The following NRXN3 variants were observed in gnomAD, a reference collection of about 807,000 sequenced individuals.
The protein encoded by NRXN3 is neurexin III.
Under a neutral mutation model 137.6 loss-of-function variants are expected in NRXN3, and 32 were observed. That is an observed-to-expected ratio of 0.23 (90% CI 0.18 to 0.31). The LOEUF is 0.31. NRXN3 is among the 10% of genes least tolerant of loss of function. The pLI is 1.00. For missense variants in NRXN3, 1,574 were observed against 2,062.5 expected (o/e 0.76, Z 4.59); for synonymous variants, 798 against 784.5 (o/e 1.02, Z -0.29).
intron 11 of NRXN3, among the ~76,000 whole-genome samples, chr14:78,964,620 CAA>C (rs1491053778): frequency 1.3e-5 from 2 of 152,042 alleles, no homozygotes; most frequent in Non-Finnish European, 2.9e-5. Flanking sequence ...TAGAAGGTAA[CAA>C]GAGAGGACAG....
rs919373723 is a variant in NRXN3, at chr14:78,882,779, C to T, written c.2275+72435C>T. Among the ~76,000 whole-genome samples, 30 of 151,596 alleles carry T rather than the reference C, an allele frequency of 2.0e-4. 1 individual carries two copies. The East Asian group carries it at 2.3e-3, about 12-fold the overall frequency. ...AGAATTTGGGGGACTGTTGAAAGGG[C>T]GTGATCATGTTTTGAATTGTGAGGG... On this transcript the variant is annotated intron_variant, in intron 10 of 20. Transcript: ENST00000335750.
intron 8 of NRXN3, among the ~76,000 whole-genome samples, chr14:78,746,812 C>A (rs368370498): frequency 6.6e-6 from 1 of 152,212 alleles, no homozygotes. Flanking sequence ...TGGAAGAACA[C>A]ATTCTCCAAG....
intron 15 of NRXN3, among the ~76,000 whole-genome samples, chr14:79,377,392 G>A (rs150224849): frequency 2.8e-4 from 42 of 152,168 alleles, no homozygotes; most frequent in African/African-American, 8.9e-4. Flanking sequence ...TTTTATTTCC[G>A]GTACTGATGT....
intron 15 of NRXN3, among the ~76,000 whole-genome samples, chr14:79,273,829 G>A (rs891869282): frequency 8.6e-5 from 13 of 151,766 alleles, no homozygotes; most frequent in Admixed American, 6.6e-4. Context: ...GGGCATGATG[G>A]CTCACACCTG....
chr14:79,207,767 C>G (rs2067004421), intron 15 of NRXN3, among the ~76,000 whole-genome samples: 1 of 152,072 alleles, frequency 6.6e-6, no homozygotes, highest in African/African-American at 2.4e-5. Flanking sequence ...TTGGAAGCCT[C>G]TGGGTTTGTT....
chr14:79,112,240 C>T (rs571237882), intron 15 of NRXN3, among the ~76,000 whole-genome samples: 1 of 152,322 alleles, frequency 6.6e-6, no homozygotes, highest in Admixed American at 6.5e-5. Flanking sequence ...CTCTCTGGAG[C>T]TGTAGGCCTC....
chr14:79,012,952 C>G (rs1434297871), intron 15 of NRXN3, among the ~76,000 whole-genome samples: 1 of 152,112 alleles, frequency 6.6e-6, no homozygotes, highest in Non-Finnish European at 1.5e-5. Flanking sequence ...ATTTTGCAAG[C>G]AGAAATTTAT....
In NRXN3 at chr14:79,436,068, T is replaced by C. The variant is rs140687419; in HGVS notation, c.3263-31153T>C. Among the ~76,000 whole-genome samples, 17 of 152,288 alleles carry C rather than the reference T, an allele frequency of 1.1e-4. No homozygotes were observed. The East Asian group carries it at 3.3e-3, about 29-fold the overall frequency. On this transcript the variant is annotated intron_variant, in intron 15 of 20. Coordinates refer to ENST00000335750, the MANE Select transcript of NRXN3 (RefSeq NM_001330195.2). ...CCTCTGACCACTGCCTCCATGTGTC[T>C]AATATAACCTATGACATTACCCATA...
chr14:79,284,959 T>G (rs1022330336), intron 15 of NRXN3, among the ~76,000 whole-genome samples: 2 of 152,180 alleles, frequency 1.3e-5, no homozygotes, highest in Non-Finnish European at 2.9e-5. Flanking sequence ...ATTAGATTGG[T>G]TTCTCCATCT....
In NRXN3 at chr14:79,155,111, C is replaced by T. The variant is rs113223203; in HGVS notation, c.3262+166970C>T. Among the ~76,000 whole-genome samples the T allele has an allele frequency of 5.9e-3, 901 of 151,976 alleles. 6 individuals carry two copies. Among genetic ancestry groups the T allele is most frequent in the African/African-American group, 0.021 (851 of 41,480 alleles). On this transcript the variant is annotated intron_variant, in intron 15 of 20. Transcript: ENST00000335750. ...TCGTGGAAAATTGGTGTCACATTGCCACATGGAGCATCCCTTCTTCACTCT... is the reference window on the plus strand; with the variant it reads ...TCGTGGAAAATTGGTGTCACATTGCTACATGGAGCATCCCTTCTTCACTCT...
chr14:78,268,995 A>G (rs1036941081), intron 2 of NRXN3, among the ~76,000 whole-genome samples: 1 of 152,190 alleles, frequency 6.6e-6, no homozygotes, highest in African/African-American at 2.4e-5. Context: ...CCTCGTTAGT[A>G]TTTCTGGAGT....
At chr14:79,159,827 T>C (rs12888383) in intron 15 of NRXN3, among the ~76,000 whole-genome samples, 73,021 of 151,736 alleles carry the variant, frequency 0.48, 18,974 homozygotes, top group East Asian at 0.61. Flanking sequence ...TTCAGACATG[T>C]TATAACAAGT....
At chr14:78,876,392 C>T (rs1425633116) in intron 10 of NRXN3, among the ~76,000 whole-genome samples, 2 of 152,118 alleles carry the variant, frequency 1.3e-5, no homozygotes, top group Non-Finnish European at 2.9e-5. Context: ...CTATTGATTG[C>T]AGCAAATCAA....
intron 1 of NRXN3, among the ~76,000 whole-genome samples, chr14:78,192,825 C>T (rs868796053): frequency 2.0e-5 from 3 of 152,290 alleles, no homozygotes; most frequent in Middle Eastern, 6.8e-3. Flanking sequence ...AGCCACTGAG[C>T]TTGAACCTTC....
intron 15 of NRXN3, among the ~76,000 whole-genome samples, chr14:79,454,555 C>A (rs2096232040): frequency 6.6e-6 from 1 of 152,130 alleles, no homozygotes; most frequent in South Asian, 2.1e-4. Flanking sequence ...TATTTCCCAG[C>A]AGTTTGTAGC....
intron 15 of NRXN3, among the ~76,000 whole-genome samples, chr14:79,041,537 G>A (rs977967873): frequency 6.6e-6 from 1 of 152,112 alleles, no homozygotes; most frequent in Non-Finnish European, 1.5e-5. Context: ...CTTGGGTTCT[G>A]GGATATGCTA....
intron 2 of NRXN3, chr14:78,250,131 C>G (rs751837039): frequency 1.9e-6 from 1 of 514,410 alleles, no homozygotes; most frequent in Non-Finnish European, 3.9e-6. Flanking sequence ...AAATAACTTG[C>G]CCAAGATTGT....
intron 4 of NRXN3, among the ~76,000 whole-genome samples, chr14:78,367,104 T>C (rs1350169627): frequency 6.6e-6 from 1 of 152,236 alleles, no homozygotes; most frequent in Non-Finnish European, 1.5e-5. Flanking sequence ...TCAGCTACTT[T>C]ATTTTAAATG....
At position 79,867,083 on chromosome 14, in the gene NRXN3, C is replaced by A. The variant is rs977200943; in HGVS notation, c.*5119C>A. The A allele has an allele frequency of 2.0e-5, 3 of 152,136 alleles. No individual in the cohort carries two copies. Among genetic ancestry groups the A allele is most frequent in the African/African-American group, 7.2e-5 (3 of 41,430 alleles). 9.4% of individuals were successfully genotyped at this position (152,136 alleles called of 1,614,324 possible). A position where few individuals can be genotyped will look rare whatever the true frequency, so the allele number is the denominator to read the frequency against. ...CGTATTTTTCTAATTGTGTTTATTA[C>A]AAAGAAAACAGACCCGAAGAACTTA... On this transcript the variant is annotated 3_prime_UTR_variant, in exon 21 of 21. Coordinates refer to ENST00000335750, the MANE Select transcript of NRXN3 (RefSeq NM_001330195.2).
Sources: gnomAD v4.1 joint callset for allele counts (sites outside exome capture counted in the v4.1 genomes callset) on GRCh38, gnomAD v4.1.1 for gene constraint, MANE v1.5 for transcripts, NCBI Gene and HGNC (gene_info 2026-07-23, HGNC 2026-07-21) for gene names.